The following FTO variants were observed in gnomAD, a reference collection of about 807,000 sequenced individuals.
FTO encodes alpha-ketoglutarate-dependent dioxygenase FTO.
In FTO, 47 loss-of-function variants were observed where a neutral mutation model predicts 63.9. That is an observed-to-expected ratio of 0.74 (90% CI 0.58 to 0.94). The LOEUF (loss-of-function observed/expected upper bound fraction) is 0.94. Among genes scored for constraint, FTO ranks in the 40% least tolerant of loss-of-function variants. FTO has a pLI of 0.00. For missense variants in FTO, 562 were observed against 618.1 expected (o/e 0.91, Z 0.96); for synonymous variants, 207 against 224.4 (o/e 0.92, Z 0.69).
chr16:53,844,107 G>T (rs1041994453), intron 3 of FTO, 48 bp from the exon 4 acceptor site: 8 of 1,507,892 alleles, frequency 5.3e-6, no homozygotes, highest in East Asian at 4.5e-5. Context: ...AAATTCAGAA[G>T]CTTAGATTAA....
intron 8 of FTO, among the ~76,000 whole-genome samples, chr16:53,994,628 G>A (rs1212660395): frequency 6.6e-5 from 10 of 152,064 alleles, no homozygotes; most frequent in African/African-American, 1.4e-4. Flanking sequence ...CTCCCAAAGC[G>A]CTGGGATGAC....
chr16:53,946,132 A>G (rs1716708406), intron 8 of FTO, among the ~76,000 whole-genome samples: 1 of 152,130 alleles, frequency 6.6e-6, no homozygotes, highest in South Asian at 2.1e-4. Context: ...CTGTTGCATC[A>G]TTTATTAGAA....
At chr16:53,846,606 G>A (rs1822972602) in intron 4 of FTO, among the ~76,000 whole-genome samples, 1 of 151,966 alleles carries the variant, frequency 6.6e-6, no homozygotes, top group Non-Finnish European at 1.5e-5. Flanking sequence ...TTCAAGACCA[G>A]CCTGGCCAAC....
chr16:53,712,304 G>A (rs2075793452), intron 1 of FTO, among the ~76,000 whole-genome samples: 1 of 151,882 alleles, frequency 6.6e-6, no homozygotes, highest in East Asian at 1.9e-4. Context: ...TTTGGTGTTA[G>A]GCCAAAGACC....
intron 4 of FTO, among the ~76,000 whole-genome samples, chr16:53,850,685 T>A (rs1268514773): frequency 6.6e-6 from 1 of 152,140 alleles, no homozygotes; most frequent in Non-Finnish European, 1.5e-5. Flanking sequence ...TTTGATATAT[T>A]TTTGTTTATT....
intron 6 of FTO, among the ~76,000 whole-genome samples, chr16:53,883,642 A>AAAAAAAAC (rs1567396702): frequency 1.3e-5 from 2 of 150,458 alleles, no homozygotes; most frequent in African/African-American, 4.9e-5. Flanking sequence ...AAAACAAAAA[A>AAAAAAAAC]AAAAAAACAA....
intron 8 of FTO, among the ~76,000 whole-genome samples, chr16:53,997,834 A>G (rs1274851119): frequency 6.6e-6 from 1 of 152,182 alleles, no homozygotes; most frequent in Non-Finnish European, 1.5e-5. Context: ...AAGGAAGGCA[A>G]TGAGTATGAA....
chr16:53,826,424 G>A lies in FTO; in HGVS notation c.684G>A (p.Val228=). ...ATTTTGGCATGGGGAAAATGGCAGT[G>A]AGCTGGCATCATGATGAAAATCTGG... ...EPYFGMGKMA[V]SWHHDENLVD... Residue 228 remains valine (V), a synonymous_variant, in exon 3 of 9, where the codon GTG becomes GTA. Coordinates refer to ENST00000471389, the MANE Select transcript of FTO (RefSeq NM_001080432.3). 4.3e-6 allele frequency: 7 copies of A among 1,614,164 alleles called. No individual in the cohort carries two copies. Among genetic ancestry groups the A allele is most frequent in the Non-Finnish European group, 5.1e-6 (6 of 1,180,020 alleles).
rs140226823 is a variant in FTO, at chr16:53,751,327, C to T, written c.45+47098C>T. The stretch of plus-strand genomic sequence containing the variant: ...CAAAAAATTAGCCGGGCGTGGTGGC[C>T]GGTGCCTGTAGTCCCAGCTATTTGG... On this transcript the variant is annotated intron_variant, in intron 1 of 8. Transcript: ENST00000471389. 2.9e-3 allele frequency among the ~76,000 whole-genome samples: 441 copies of T among 152,084 alleles called. 2 individuals are homozygous for T. The highest frequency in any genetic ancestry group is 0.01 in the African/African-American group (416 of 41,492).
intron 8 of FTO, among the ~76,000 whole-genome samples, chr16:53,953,262 C>G (rs2082842423): frequency 1.3e-5 from 2 of 152,220 alleles, no homozygotes; most frequent in Admixed American, 1.3e-4. Context: ...ACCTCCTTCT[C>G]CAGTATAATC....
At chr16:53,760,923 C>T (rs2077051969) in intron 1 of FTO, among the ~76,000 whole-genome samples, 1 of 151,632 alleles carries the variant, frequency 6.6e-6, no homozygotes, top group South Asian at 2.1e-4. Context: ...CACTGCGCCT[C>T]ATCTGCTCTT....
intron 8 of FTO, among the ~76,000 whole-genome samples, chr16:53,951,013 G>A (rs1405122538): frequency 6.6e-6 from 1 of 152,206 alleles, no homozygotes; most frequent in East Asian, 1.9e-4. Context: ...GATGCTAGTG[G>A]AAACCTTTAT....
intron 1 of FTO, among the ~76,000 whole-genome samples, chr16:53,761,055 CCCTT>C (rs1235183297): frequency 6.6e-6 from 1 of 151,190 alleles, no homozygotes; most frequent in Non-Finnish European, 1.5e-5. Flanking sequence ...CTCCCTCCCT[CCCTT>C]CCTTTCTTCC....
At chr16:53,974,712 A>G (rs1396420593) in intron 8 of FTO, among the ~76,000 whole-genome samples, 1 of 152,214 alleles carries the variant, frequency 6.6e-6, no homozygotes, top group Non-Finnish European at 1.5e-5. Context: ...CATTTTGTGA[A>G]CAAGCAGCCT....
intron 5 of FTO, among the ~76,000 whole-genome samples, chr16:53,877,196 C>T (rs2080681567): frequency 6.6e-6 from 1 of 152,170 alleles, no homozygotes; most frequent in Admixed American, 6.5e-5. Flanking sequence ...TCCAAAGGTA[C>T]CCTATGACAC....
At chr16:53,904,364 A>G (rs1475165343) in intron 7 of FTO, among the ~76,000 whole-genome samples, 4 of 152,180 alleles carry the variant, frequency 2.6e-5, no homozygotes, top group African/African-American at 4.8e-5. Flanking sequence ...CTTAATTGCT[A>G]TAATAATCTT....
chr16:53,737,080 G>A (rs1451047524), intron 1 of FTO, among the ~76,000 whole-genome samples: 1 of 152,192 alleles, frequency 6.6e-6, no homozygotes, highest in African/African-American at 2.4e-5. Flanking sequence ...TGGAAGGCAG[G>A]AACCCTGTGT....
chr16:53,739,958 AAGAAT>A (rs1182569491), intron 1 of FTO, among the ~76,000 whole-genome samples: 1 of 152,240 alleles, frequency 6.6e-6, no homozygotes, highest in Non-Finnish European at 1.5e-5. Context: ...TAGAGGGAAC[AAGAAT>A]AGAAGTACCA....
At chr16:53,973,158 G>A (rs991336745) in intron 8 of FTO, among the ~76,000 whole-genome samples, 3 of 152,186 alleles carry the variant, frequency 2.0e-5, no homozygotes, top group Admixed American at 1.3e-4. Context: ...TAGACAAGAA[G>A]CAGGTGGCCT....
Sources: allele counts gnomAD v4.1 joint callset (sites outside exome capture counted in the v4.1 genomes callset), GRCh38; gene constraint gnomAD v4.1.1; transcripts MANE v1.5; gene names NCBI Gene and HGNC (gene_info 2026-07-23, HGNC 2026-07-21).